Variants in DOCK4 observed in about 807,000 individuals in gnomAD.
DOCK4 encodes the protein dedicator of cytokinesis 4, also known as dedicator of cytokinesis protein 4.
DOCK4 carries 97 observed loss-of-function variants against 268.1 expected under a neutral mutation model. That is an observed-to-expected ratio of 0.36 (90% CI 0.31 to 0.43). The LOEUF is 0.43. Among genes scored for constraint, DOCK4 ranks in the 20% least tolerant of loss-of-function variants. The pLI is 1.00. For synonymous variants in DOCK4, 954 were observed against 887.2 expected (o/e 1.08, Z -1.34); for missense variants, 2,145 against 2,455.7 (o/e 0.87, Z 2.67).
rs368171177 is a variant in DOCK4, at chr7:111,769,627, G to A, written c.3730C>T (p.Arg1244Trp). 2.5e-6 allele frequency: 4 copies of A among 1,613,720 alleles called. No homozygotes were observed. The highest frequency in any genetic ancestry group is 1.7e-5 in the Admixed American group (1 of 60,000). ...LYDELLEWSD[R>W]PLREFLTYPM... The stretch of plus-strand genomic sequence containing the variant: ...TAGGTCAGGAACTCCCTGAGGGGCC[G>A]ATCAGACCATTCCAGTAGCTCGTCA... The change falls in exon 37 of 53, where the codon CGG (arginine) becomes TGG (tryptophan). Residue 1244 changes from arginine to tryptophan, a missense_variant. This residue lies in a region of DOCK4 where 1,598 missense variants were observed against 1,986.7 expected (regional missense o/e 0.80). Coordinates refer to ENST00000428084, the MANE Select transcript of DOCK4 (RefSeq NM_001363540.2).
intron 40 of DOCK4, 109 bp downstream of exon 40, chr7:111,760,072 G>C (rs566360477): frequency 1.5e-6 from 2 of 1,350,434 alleles, no homozygotes; most frequent in Non-Finnish European, 2.1e-6. Flanking sequence ...GAGCAGTAAC[G>C]ATGTGGCTAT....
intron 44 of DOCK4, 28 bp downstream of exon 44, chr7:111,746,306 G>C: frequency 6.3e-7 from 1 of 1,591,864 alleles, no homozygotes; most frequent in Non-Finnish European, 8.6e-7. Context: ...AGGCAAAATA[G>C]AAGGGGGTTG....
intron 8 of DOCK4, among the ~76,000 whole-genome samples, chr7:111,961,972 T>C (rs1319243750): frequency 1.3e-5 from 2 of 152,220 alleles, no homozygotes; most frequent in African/African-American, 4.8e-5. Context: ...CTATATATAC[T>C]ATATGCTAGA....
chr7:111,944,964 T>C (rs1348447752), intron 9 of DOCK4, 93 bp from the exon 10 acceptor site: 2 of 919,500 alleles, frequency 2.2e-6, no homozygotes, highest in African/African-American at 3.5e-5. Context: ...AAGAAAGAGA[T>C]GGACACAGAC....
intron 8 of DOCK4, among the ~76,000 whole-genome samples, chr7:111,957,763 AT>A (rs1485282171): frequency 4.6e-5 from 7 of 152,226 alleles, no homozygotes; most frequent in Non-Finnish European, 1.0e-4. Flanking sequence ...GAATAAATAA[AT>A]GAATGAACGA....
At position 111,747,389 on chromosome 7, in the gene DOCK4, G is replaced by A; in HGVS notation, c.4471C>T (p.Gln1491Ter). Residue 1491 changes from glutamine to a stop codon, truncating the protein, a stop_gained, in exon 43 of 53, where the codon CAG becomes TAG. Transcript: ENST00000428084. LOFTEE classifies it high-confidence loss of function. Reference protein sequence around the residue: ...AIEVLENKNQQLKTLISQCQT... With the variant: ...AIEVLENKNQ ...CACTGACTAATCAGAGTCTTCAGCT[G>A]CTGATTCTTATTTTCTAGCACTTCA... 6.2e-7 allele frequency: 1 copy of A among 1,612,114 alleles called. No individual in the cohort carries two copies. Among genetic ancestry groups the A allele is most frequent in the Non-Finnish European group, 8.5e-7 (1 of 1,179,154 alleles).
intron 23 of DOCK4, among the ~76,000 whole-genome samples, chr7:111,856,027 T>C (rs1311303225): frequency 1.3e-5 from 2 of 152,166 alleles, no homozygotes; most frequent in Non-Finnish European, 2.9e-5. Flanking sequence ...TGGTTTACAA[T>C]GACTCCATCT....
chr7:112,071,967 T>C (rs1038704372), intron 1 of DOCK4, among the ~76,000 whole-genome samples: 4 of 152,242 alleles, frequency 2.6e-5, no homozygotes, highest in Non-Finnish European at 5.9e-5. Context: ...ATTTCTTGAC[T>C]ATCATAGATT....
At chr7:111,801,328 CTT>C (rs1420481149) in intron 30 of DOCK4, among the ~76,000 whole-genome samples, 1 of 152,196 alleles carries the variant, frequency 6.6e-6, no homozygotes, top group African/African-American at 2.4e-5. Flanking sequence ...CATGCAGTCT[CTT>C]TGTTTCAAGC....
intron 1 of DOCK4, among the ~76,000 whole-genome samples, chr7:112,061,739 T>C (rs903807275): frequency 7.3e-6 from 1 of 137,140 alleles, no homozygotes; most frequent in Non-Finnish European, 1.6e-5. Flanking sequence ...ATTAACAATG[T>C]CACACACACA....
intron 52 of DOCK4, among the ~76,000 whole-genome samples, 177 bp from the exon 53 acceptor site, chr7:111,728,897 T>C (rs1297231141): frequency 2.0e-5 from 3 of 152,166 alleles, no homozygotes; most frequent in Non-Finnish European, 2.9e-5. Flanking sequence ...TGGTGGATCC[T>C]AATCCAAGCT....
chr7:111,940,802 G>A (rs1795143182), intron 10 of DOCK4, among the ~76,000 whole-genome samples: 1 of 152,120 alleles, frequency 6.6e-6, no homozygotes, highest in Non-Finnish European at 1.5e-5. Flanking sequence ...ATTGTTACAT[G>A]TTTAAAAATA....
At chr7:111,945,590 T>A in intron 9 of DOCK4, 127 bp downstream of exon 9, 3 of 744,402 alleles carry the variant, frequency 4.0e-6, no homozygotes, top group Non-Finnish European at 6.6e-6. Flanking sequence ...CTAATGTAAT[T>A]TGTGTGTTAT....
chr7:112,139,196 G>C (rs905970750), intron 1 of DOCK4, among the ~76,000 whole-genome samples: 5 of 152,060 alleles, frequency 3.3e-5, no homozygotes, highest in Non-Finnish European at 7.4e-5. Flanking sequence ...TTAAGAACCA[G>C]GGCCTCTCAG....
In DOCK4 at chr7:111,908,461, A is replaced by AAATAATAATAAT. The variant is rs3055494; in HGVS notation, c.1193-6672_1193-6661dup. On this transcript the variant is annotated intron_variant, in intron 13 of 52. Transcript: ENST00000428084. ...AGACTCCGTCTCAAAAAAATAAATA[A>AAATAATAATAAT]AATAATAATAATAATAATAATGAAA... is the stretch of plus-strand genomic sequence containing the variant. 5.7e-3 allele frequency among the ~76,000 whole-genome samples: 861 copies of AAATAATAATAAT among 150,220 alleles called. 8 individuals are homozygous for AAATAATAATAAT. Among genetic ancestry groups the AAATAATAATAAT allele is most frequent in the South Asian group, 0.024 (116 of 4,742 alleles).
intron 37 of DOCK4, 131 bp downstream of exon 37, chr7:111,769,398 G>A (rs1232988277): frequency 8.7e-7 from 1 of 1,147,926 alleles, no homozygotes; most frequent in Non-Finnish European, 1.2e-6. Context: ...GCTTTTGGGT[G>A]TTTCTAATAT....
chr7:111,727,078 A>AT lies in DOCK4; in HGVS notation c.*1195dup, dbSNP rs1414137048. On this transcript the variant is annotated 3_prime_UTR_variant, in exon 53 of 53. Coordinates refer to ENST00000428084, the MANE Select transcript of DOCK4 (RefSeq NM_001363540.2). ...ACAGTCAGTAAAAGAAAAAACAAAG[A>AT]TATAAAATACATTACTACATACAAG... The AT allele has an allele frequency of 1.3e-5, 2 of 152,658 alleles. No homozygotes were observed. The highest frequency in any genetic ancestry group is 2.9e-5 in the Non-Finnish European group (2 of 68,030). 9.5% of individuals were successfully genotyped at this position (152,658 alleles called of 1,614,324 possible). A position where few individuals can be genotyped will look rare whatever the true frequency, so the allele number is the denominator to read the frequency against.
In DOCK4 at chr7:111,868,157, TA is replaced by T; in HGVS notation, c.2110-4del. 6.4e-7 allele frequency: 1 copy of T among 1,567,282 alleles called. No homozygotes were observed. ...TACTTAAAAATGTATTCTTGTGCCTTAAAAATACAATTTTTAAAAGTTAGCT... is the reference window on the plus strand; with the variant it reads ...TACTTAAAAATGTATTCTTGTGCCTTAAAATACAATTTTTAAAAGTTAGCT... On this transcript the variant is annotated splice_region_variant and splice_polypyrimidine_tract_variant and intron_variant, in intron 21 of 52. Coordinates refer to ENST00000428084, the MANE Select transcript of DOCK4 (RefSeq NM_001363540.2).
intron 1 of DOCK4, among the ~76,000 whole-genome samples, chr7:112,015,596 G>T (rs1801747723): frequency 6.6e-6 from 1 of 152,116 alleles, no homozygotes; most frequent in African/African-American, 2.4e-5. Context: ...AAGAAAAGAA[G>T]AAAGTAACAC....
Sources: allele counts gnomAD v4.1 joint callset (sites outside exome capture counted in the v4.1 genomes callset), GRCh38; gene constraint gnomAD v4.1.1; regional missense constraint gnomAD v4.1.1; transcripts MANE v1.5; gene names NCBI Gene and HGNC (gene_info 2026-07-23, HGNC 2026-07-21).